NECTIN1: variants seen among roughly 807,000 people sequenced by gnomAD.
NECTIN1 encodes nectin-1.
A neutral mutation model predicts 48.0 loss-of-function variants in NECTIN1; 23 were observed. That is an observed-to-expected ratio of 0.48 (90% CI 0.34 to 0.68). NECTIN1 has a LOEUF of 0.68. Among genes scored for constraint, NECTIN1 ranks in the 30% least tolerant of loss-of-function variants. The probability of loss-of-function intolerance (pLI) is 0.01; values close to 1 mark genes in which losing one functional copy is unlikely to be tolerated. For missense variants in NECTIN1, 591 were observed against 709.9 expected (o/e 0.83, Z 1.90); for synonymous variants, 270 against 288.9 (o/e 0.93, Z 0.66).
downstream of NECTIN1, among the ~76,000 whole-genome samples, chr11:119,657,386 T>C (rs890416297): frequency 1.3e-5 from 2 of 152,034 alleles, no homozygotes; most frequent in African/African-American, 4.8e-5. Flanking sequence ...AAGGCCGAGG[T>C]GGGTGGATCA....
At chr11:119,711,589 A>AT (rs1865647348) in intron 1 of NECTIN1, among the ~76,000 whole-genome samples, 1 of 152,094 alleles carries the variant, frequency 6.6e-6, no homozygotes, top group Admixed American at 6.5e-5. Context: ...GAGAAAGTAA[A>AT]TACTAAACAA....
At chr11:119,721,496 G>T (rs1259575223) in intron 1 of NECTIN1, among the ~76,000 whole-genome samples, 2 of 152,242 alleles carry the variant, frequency 1.3e-5, no homozygotes, top group African/African-American at 4.8e-5. Flanking sequence ...CCAGCCAGTG[G>T]AACTAATGTC....
At chr11:119,690,685 A>G (rs963921120) in intron 1 of NECTIN1, among the ~76,000 whole-genome samples, 2 of 152,082 alleles carry the variant, frequency 1.3e-5, no homozygotes, top group Non-Finnish European at 2.9e-5. Flanking sequence ...TGATGAGAGA[A>G]CCCAAACCCC....
downstream of NECTIN1, among the ~76,000 whole-genome samples, chr11:119,656,718 G>C (rs1418708146): frequency 6.6e-6 from 1 of 152,210 alleles, no homozygotes; most frequent in African/African-American, 2.4e-5. Flanking sequence ...CCGTACTCAG[G>C]CAGAGAGCGG....
chr11:119,648,325 GTGGTGA>G (rs1864436480), intron 5 of NECTIN1, among the ~76,000 whole-genome samples: 5 of 18,156 alleles, frequency 2.8e-4, no homozygotes, highest in African/African-American at 7.4e-4. Flanking sequence ...GATGGTGATG[GTGGTGA>G]TGGTGGTGGT....
At chr11:119,695,812 G>A (rs1232536342) in intron 1 of NECTIN1, among the ~76,000 whole-genome samples, 2 of 152,176 alleles carry the variant, frequency 1.3e-5, no homozygotes. Flanking sequence ...TGCTCCCCAG[G>A]TTGGTTTGCA....
At chr11:119,701,873 C>G (rs117903293) in intron 1 of NECTIN1, among the ~76,000 whole-genome samples, 1 of 152,156 alleles carries the variant, frequency 6.6e-6, no homozygotes, top group Admixed American at 6.5e-5. Context: ...GCTCCCGCCC[C>G]GTCCCTGTCC....
rs201284141 is a variant in NECTIN1, at chr11:119,641,889, AT to A, written c.1004-1878del. Reference sequence around the variant, plus strand: ...AGGGACCCGCCACCAGGCCCGGCTAATTTTTTTTTTTTTGTATTTTTAGTAG... The same window carrying A: ...AGGGACCCGCCACCAGGCCCGGCTAATTTTTTTTTTTTGTATTTTTAGTAG... On this transcript the variant is annotated intron_variant, in intron 5 of 7. Transcript: ENST00000341398. 988 of 143,912 alleles carry A rather than the reference AT, an allele frequency of 6.9e-3. 18 individuals carry two copies. The highest frequency in any genetic ancestry group is 0.039 in the East Asian group (196 of 4,964). The allele number at this position is 143,912 out of a possible 1,614,324, so 8.9% of individuals were successfully genotyped here. A position where few individuals can be genotyped will look rare whatever the true frequency, so the allele number is the denominator to read the frequency against.
At chr11:119,674,627 G>C in intron 5 of NECTIN1, 1 of 1,614,198 alleles carries the variant, frequency 6.2e-7, no homozygotes, top group Non-Finnish European at 8.5e-7. Context: ...CCTTTGCCCG[G>C]ATAGATAAGT....
intron 1 of NECTIN1, among the ~76,000 whole-genome samples, chr11:119,708,431 T>C (rs933939599): frequency 6.6e-6 from 1 of 152,256 alleles, no homozygotes; most frequent in Non-Finnish European, 1.5e-5. Flanking sequence ...TGGGAGCCAC[T>C]GACGCCTTTT....
At chr11:119,649,379 C>CA (rs559894952) in intron 5 of NECTIN1, among the ~76,000 whole-genome samples, 4,549 of 126,466 alleles carry the variant, frequency 0.036, 150 homozygotes, top group East Asian at 0.16. Flanking sequence ...GACTCCATCT[C>CA]AAAAAAAAAA....
downstream of NECTIN1, among the ~76,000 whole-genome samples, chr11:119,659,486 G>A (rs1330071919): frequency 1.3e-5 from 2 of 152,222 alleles, no homozygotes; most frequent in Admixed American, 1.3e-4. Flanking sequence ...TCTGCTGAGG[G>A]TGGTGCTGGA....
At chr11:119,681,245 T>A (rs1865056708) in intron 1 of NECTIN1, among the ~76,000 whole-genome samples, 1 of 152,340 alleles carries the variant, frequency 6.6e-6, no homozygotes, top group Non-Finnish European at 1.5e-5. Context: ...GCTGAGATAA[T>A]GTGGGCATAA....
chr11:119,664,493 G>T lies in NECTIN1; in HGVS notation c.*254C>A. ...GGGCAGGCAGGTGGGGCCCGTAAAGGGAAGATACAGTAACACTAAAGCCAC... is the reference window on the plus strand; with the variant it reads ...GGGCAGGCAGGTGGGGCCCGTAAAGTGAAGATACAGTAACACTAAAGCCAC... On this transcript the variant is annotated 3_prime_UTR_variant, in exon 6 of 6. Transcript: ENST00000264025. The T allele has an allele frequency of 7.4e-7, 1 of 1,358,690 alleles. No homozygotes were observed. The highest frequency in any genetic ancestry group is 9.5e-7 in the Non-Finnish European group (1 of 1,056,952). The allele number at this position is 1,358,690 out of a possible 1,614,324, so 84.2% of individuals were successfully genotyped here.
chr11:119,695,516 C>A (rs1223099529), intron 1 of NECTIN1, among the ~76,000 whole-genome samples: 3 of 152,200 alleles, frequency 2.0e-5, no homozygotes, highest in Non-Finnish European at 4.4e-5. Context: ...TGACACCCGG[C>A]ACGCAGTAGG....
intron 1 of NECTIN1, among the ~76,000 whole-genome samples, chr11:119,689,088 A>G (rs1447468718): frequency 2.6e-5 from 4 of 152,202 alleles, no homozygotes; most frequent in Non-Finnish European, 2.9e-5. Context: ...AACTGCTATC[A>G]TTTTGGAAGG....
At chr11:119,675,609 A>T in intron 4 of NECTIN1, 1 of 351,622 alleles carries the variant, frequency 2.8e-6, no homozygotes, top group Non-Finnish European at 5.4e-6. Context: ...AGGCAGCAGC[A>T]TGGGAGCTCC....
Position 119,662,298 on chromosome 11 carries a change from G to GA in NECTIN1, c.*2448dup. On this transcript the variant is annotated 3_prime_UTR_variant, in exon 6 of 6. Coordinates refer to ENST00000264025, the MANE Select transcript of NECTIN1 (RefSeq NM_002855.5). The surrounding 1 kb of genome is among the most constrained non-coding windows in gnomAD (Gnocchi z 5.3). Reference sequence around the variant, plus strand: ...CACCTTCCCACAAACTTGGGGCACAGAAAACCTCACATCCCTAGGTCCAAG... The same window carrying GA: ...CACCTTCCCACAAACTTGGGGCACAGAAAAACCTCACATCCCTAGGTCCAAG... The GA allele has an allele frequency of 1.0e-6, 1 of 985,772 alleles. No homozygotes were observed. The highest frequency in any genetic ancestry group is 1.2e-6 in the Non-Finnish European group (1 of 829,948). 61.1% of individuals were successfully genotyped at this position (985,772 alleles called of 1,614,324 possible).
At chr11:119,691,113 A>T (rs1185175246) in intron 1 of NECTIN1, among the ~76,000 whole-genome samples, 1 of 152,042 alleles carries the variant, frequency 6.6e-6, no homozygotes, top group Non-Finnish European at 1.5e-5. Flanking sequence ...ATTCTCCCCA[A>T]CCACTCACAG....
Sources: allele counts gnomAD v4.1 joint callset (sites outside exome capture counted in the v4.1 genomes callset), GRCh38; gene constraint gnomAD v4.1.1; non-coding constraint Gnocchi (gnomAD v3.1); transcripts MANE v1.5; gene names NCBI Gene and HGNC (gene_info 2026-07-23, HGNC 2026-07-21).